FOSL2: variants seen among roughly 807,000 people sequenced by gnomAD.
FOSL2 encodes the protein fos-related antigen 2.
A neutral mutation model predicts 27.7 loss-of-function variants in FOSL2; 3 were observed. The ratio of observed to expected loss-of-function variants is 0.11; its 90% CI spans 0.05 to 0.28. The LOEUF (loss-of-function observed/expected upper bound fraction) is 0.28, where lower values mean the gene tolerates loss of function less well. Ranked by LOEUF, FOSL2 falls within the 10% of genes least tolerant of loss-of-function variation. The pLI is 1.00. For synonymous variants in FOSL2, 179 were observed against 190.1 expected (o/e 0.94, Z 0.48); for missense variants, 333 against 445.1 (o/e 0.75, Z 2.27).
chr2:28,397,251 T>C (rs1663865136), intron 1 of FOSL2: 1 of 152,232 alleles, frequency 6.6e-6, no homozygotes, highest in African/African-American at 2.4e-5. Context: ...CTTTTTTCTT[T>C]TCCTATTTTG....
intron 2 of FOSL2, among the ~76,000 whole-genome samples, chr2:28,406,509 T>TA (rs1403417525): frequency 6.6e-6 from 1 of 152,196 alleles, no homozygotes; most frequent in Admixed American, 6.5e-5. Context: ...AGGGCCCTGT[T>TA]AGAGTCTCAC....
intron 1 of FOSL2, among the ~76,000 whole-genome samples, chr2:28,402,208 T>A (rs1452968320): frequency 2.0e-5 from 3 of 152,112 alleles, no homozygotes. Context: ...TCCTCCAGAA[T>A]CCTAGAACCA....
intron 3 of FOSL2, among the ~76,000 whole-genome samples, chr2:28,410,009 G>A (rs1335751813): frequency 6.6e-6 from 1 of 152,162 alleles, no homozygotes; most frequent in Non-Finnish European, 1.5e-5. Context: ...TCAGAGTGCT[G>A]GGATTACAGG....
At chr2:28,410,312 T>G (rs1318724658) in intron 3 of FOSL2, among the ~76,000 whole-genome samples, 2 of 152,116 alleles carry the variant, frequency 1.3e-5, no homozygotes, top group African/African-American at 4.8e-5. Flanking sequence ...CTGTGCCCCA[T>G]GTGGCGCTCC....
chr2:28,402,184 G>GCAATGGGTAACTTTCCTC (rs1558566695), intron 1 of FOSL2, among the ~76,000 whole-genome samples: 14 of 152,182 alleles, frequency 9.2e-5, no homozygotes. Flanking sequence ...AGAATGCATT[G>GCAATGGGTAACTTTCCTC]CAATGGGTAA....
In FOSL2 at chr2:28,397,395, CT is replaced by C. The variant is rs550204314; in HGVS notation, c.102+3583del. Reference sequence around the variant, plus strand: ...GAGGCATAGATTAAGGGTCTGGGTGCTTTTTTTTTTCCCCTTGATGTTACAG... The same window carrying C: ...GAGGCATAGATTAAGGGTCTGGGTGCTTTTTTTTTCCCCTTGATGTTACAG... On this transcript the variant is annotated intron_variant, in intron 1 of 3. Transcript: ENST00000264716. Among the ~76,000 whole-genome samples the C allele has an allele frequency of 1.5e-3, 215 of 147,580 alleles. 1 individual carries two copies. Among genetic ancestry groups the C allele is most frequent in the African/African-American group, 4.6e-3 (187 of 40,392 alleles).
intron 1 of FOSL2, among the ~76,000 whole-genome samples, chr2:28,402,977 T>C (rs1485684685): frequency 6.6e-6 from 1 of 152,210 alleles, no homozygotes; most frequent in Non-Finnish European, 1.5e-5. Flanking sequence ...ATTTAGTAAG[T>C]GCCCAGGAAG....
intron 1 of FOSL2, chr2:28,397,225 A>AT (rs1310844045): frequency 8.6e-5 from 13 of 151,336 alleles, no homozygotes; most frequent in African/African-American, 2.4e-4. Context: ...AAAAAATAAA[A>AT]ATAAAAAAAG....
chr2:28,411,317 A>G (rs1235033902), intron 3 of FOSL2, among the ~76,000 whole-genome samples: 2 of 152,182 alleles, frequency 1.3e-5, no homozygotes, highest in South Asian at 2.1e-4. Context: ...CCTAGGGCTT[A>G]GCGTTTATCC....
chr2:28,395,895 T>C (rs985609050), intron 1 of FOSL2: 1 of 152,158 alleles, frequency 6.6e-6, no homozygotes, highest in African/African-American at 2.4e-5. Context: ...TGAACAAAAT[T>C]GTTCTGTGGT....
intron 1 of FOSL2, among the ~76,000 whole-genome samples, chr2:28,401,155 A>G (rs913184881): frequency 2.6e-5 from 4 of 150,944 alleles, no homozygotes; most frequent in African/African-American, 9.7e-5. Context: ...TCTAATGATG[A>G]TGGTGGTGGT....
intron 1 of FOSL2, among the ~76,000 whole-genome samples, chr2:28,398,604 T>A (rs1663908726): frequency 6.6e-6 from 1 of 152,250 alleles, no homozygotes; most frequent in Non-Finnish European, 1.5e-5. Flanking sequence ...TCTTTCTGTT[T>A]CTTTCCTTCC....
chr2:28,395,935 C>G (rs190879787), intron 1 of FOSL2, among the ~76,000 whole-genome samples: 27 of 152,248 alleles, frequency 1.8e-4, no homozygotes, highest in Admixed American at 1.6e-3. Context: ...GGCTTTTGTT[C>G]CTTCACAAGT....
Position 28,412,479 on chromosome 2 carries a change from G to C in FOSL2, c.*31G>C. On this transcript the variant is annotated 3_prime_UTR_variant, in exon 4 of 4. Coordinates refer to ENST00000264716, the MANE Select transcript of FOSL2 (RefSeq NM_005253.4). The surrounding 1 kb of genome is among the most constrained non-coding windows in gnomAD (Gnocchi z 7.1). ...TGCACCTCCCTCCCCAGCTCCGGAG[G>C]GGGTCCTCCTCGCTCCTCCTTCCCA... 6.3e-7 allele frequency: 1 copy of C among 1,584,578 alleles called. No individual in the cohort carries two copies. The highest frequency in any genetic ancestry group is 8.5e-7 in the Non-Finnish European group (1 of 1,169,690).
intron 1 of FOSL2, among the ~76,000 whole-genome samples, chr2:28,396,566 C>T (rs751256109): frequency 4.6e-4 from 70 of 152,096 alleles, no homozygotes; most frequent in African/African-American, 9.9e-4. Context: ...CTGAGCATTA[C>T]GCAATCCAGC....
chr2:28,400,596 C>T (rs1168420400), intron 1 of FOSL2, among the ~76,000 whole-genome samples: 3 of 152,158 alleles, frequency 2.0e-5, no homozygotes, highest in African/African-American at 7.2e-5. Flanking sequence ...CATTGTTTTC[C>T]TTGCAGTTTA....
In FOSL2 at chr2:28,393,530, G is replaced by T. The variant is rs1365875077; in HGVS notation, c.-191G>T. On this transcript the variant is annotated 5_prime_UTR_variant, in exon 1 of 4. Coordinates refer to ENST00000264716, the MANE Select transcript of FOSL2 (RefSeq NM_005253.4). The surrounding 1 kb of genome is among the most constrained non-coding windows in gnomAD (Gnocchi z 4.6). ...AAAGAAGTGCTGTAAGGGACGCTCG[G>T]GGGACGCTGTTCCTGAGGTGTCGCC... The T allele has an allele frequency of 1.8e-6, 1 of 556,576 alleles. No homozygotes were observed. The highest frequency in any genetic ancestry group is 3.8e-5 in the Admixed American group (1 of 26,436). 34.5% of individuals were successfully genotyped at this position (556,576 alleles called of 1,614,324 possible). A position where few individuals can be genotyped will look rare whatever the true frequency, so the allele number is the denominator to read the frequency against.
Position 28,408,753 on chromosome 2 carries a change from C to T in FOSL2, c.355-6C>T. ...TCTAACCATGATCCTTGGCTTTGGC[C>T]TCTAGCTGTCTCCTGAAGAGGAGGA... On this transcript the variant is annotated splice_polypyrimidine_tract_variant and splice_region_variant and intron_variant, in intron 2 of 3. Transcript: ENST00000264716. This position sits in a 1 kb window ranked among gnomAD's most constrained non-coding sequence, Gnocchi z 4.1. The T allele has an allele frequency of 6.2e-7, 1 of 1,602,604 alleles. No homozygotes were observed. Among genetic ancestry groups the T allele is most frequent in the Non-Finnish European group, 8.5e-7 (1 of 1,172,842 alleles).
chr2:28,406,668 A>G (rs898418346), intron 2 of FOSL2, among the ~76,000 whole-genome samples: 6 of 152,194 alleles, frequency 3.9e-5, no homozygotes, highest in African/African-American at 1.4e-4. Context: ...AACAAGGAGC[A>G]TTGTATCCCA....
Sources: gnomAD v4.1 joint callset for allele counts (sites outside exome capture counted in the v4.1 genomes callset) on GRCh38, gnomAD v4.1.1 for gene constraint, Gnocchi (gnomAD v3.1) non-coding constraint, MANE v1.5 for transcripts, NCBI Gene and HGNC (gene_info 2026-07-23, HGNC 2026-07-21) for gene names.